The following GRIK4 variants were observed in gnomAD, a reference collection of about 807,000 sequenced individuals.
GRIK4 encodes glutamate receptor ionotropic, kainate 4.
In GRIK4, 40 loss-of-function variants were observed where a neutral mutation model predicts 104.9. The ratio of observed to expected loss-of-function variants is 0.38; its 90% CI spans 0.30 to 0.50. The LOEUF (loss-of-function observed/expected upper bound fraction) is 0.50, where lower values mean the gene tolerates loss of function less well. Ranked by LOEUF, GRIK4 falls within the 20% of genes least tolerant of loss-of-function variation. The probability of loss-of-function intolerance (pLI) is 0.93; values close to 1 mark genes in which losing one functional copy is unlikely to be tolerated. For synonymous variants in GRIK4, 485 were observed against 524.9 expected (o/e 0.92, Z 1.04); for missense variants, 1,047 against 1,308.1 (o/e 0.80, Z 3.08).
At chr11:120,892,574 A>C (rs1030416096) in intron 11 of GRIK4, among the ~76,000 whole-genome samples, 3 of 152,112 alleles carry the variant, frequency 2.0e-5, no homozygotes, top group African/African-American at 7.2e-5. Context: ...GGGTCTCCTG[A>C]TGCCAGGTGA....
intron 1 of GRIK4, among the ~76,000 whole-genome samples, chr11:120,537,596 C>T (rs1408649953): frequency 6.6e-6 from 1 of 152,090 alleles, no homozygotes; most frequent in Non-Finnish European, 1.5e-5. Flanking sequence ...CCCTGAAACC[C>T]TGAGGTGGAA....
At chr11:120,792,463 GT>G in intron 3 of GRIK4, among the ~76,000 whole-genome samples, 1 of 152,188 alleles carries the variant, frequency 6.6e-6, no homozygotes, top group East Asian at 1.9e-4. Flanking sequence ...AGAGGGTGTG[GT>G]TGAGGAGCGC....
chr11:120,909,072 A>T (rs1409219675), intron 13 of GRIK4, among the ~76,000 whole-genome samples: 2 of 152,242 alleles, frequency 1.3e-5, no homozygotes, highest in Admixed American at 6.5e-5. Context: ...TACAAAGGTC[A>T]GCCAGAGCAG....
intron 13 of GRIK4, among the ~76,000 whole-genome samples, chr11:120,933,521 GA>G (rs1943524384): frequency 6.6e-6 from 1 of 152,130 alleles, no homozygotes; most frequent in Admixed American, 6.5e-5. Context: ...AGAAAAAGTT[GA>G]ATAAATGACT....
intron 8 of GRIK4, among the ~76,000 whole-genome samples, chr11:120,847,310 A>G (rs1274880213): frequency 6.6e-6 from 1 of 152,184 alleles, no homozygotes; most frequent in Non-Finnish European, 1.5e-5. Context: ...CTGGGGATAC[A>G]ATGAAGAATA....
chr11:120,721,638 A>T (rs1950935174), intron 3 of GRIK4, among the ~76,000 whole-genome samples: 1 of 152,130 alleles, frequency 6.6e-6, no homozygotes. Flanking sequence ...TATAGGTGCC[A>T]TCCTAGTTGT....
chr11:120,770,382 T>C (rs1017902881), intron 3 of GRIK4, among the ~76,000 whole-genome samples: 4 of 152,370 alleles, frequency 2.6e-5, no homozygotes, highest in Middle Eastern at 3.4e-3. Flanking sequence ...CTTCTGGCTC[T>C]AGCCATCCTT....
intron 6 of GRIK4, among the ~76,000 whole-genome samples, chr11:120,829,418 A>T (rs1378970961): frequency 1.3e-5 from 2 of 152,048 alleles, no homozygotes; most frequent in East Asian, 3.9e-4. Flanking sequence ...CAAAACGGGG[A>T]TGTGATTTGA....
intron 14 of GRIK4, among the ~76,000 whole-genome samples, chr11:120,944,001 G>T (rs528749836): frequency 6.6e-6 from 1 of 152,246 alleles, no homozygotes; most frequent in East Asian, 1.9e-4. Flanking sequence ...TATAATCTCT[G>T]TTTCTGTTCA....
At chr11:120,700,447 T>C (rs34082772) in intron 3 of GRIK4, among the ~76,000 whole-genome samples, 1 of 151,722 alleles carries the variant, frequency 6.6e-6, no homozygotes, top group Non-Finnish European at 1.5e-5. Flanking sequence ...CTAATTTTTG[T>C]ATTTTTATTT....
chr11:120,561,795 T>A (rs1948242021), intron 1 of GRIK4, among the ~76,000 whole-genome samples: 1 of 152,198 alleles, frequency 6.6e-6, no homozygotes, highest in Non-Finnish European at 1.5e-5. Flanking sequence ...CCACCTTCAG[T>A]CTTAGCTGTT....
chr11:120,517,877 G>T (rs1947750270), intron 1 of GRIK4, among the ~76,000 whole-genome samples: 1 of 152,186 alleles, frequency 6.6e-6, no homozygotes, highest in Admixed American at 6.5e-5. Flanking sequence ...CAGAGTTAAA[G>T]AGGAGGATTT....
chr11:120,952,786 G>T lies in GRIK4; in HGVS notation c.1591-69G>T. 1 of 1,055,094 alleles carries T rather than the reference G, an allele frequency of 9.5e-7. No homozygotes were observed. 65.4% of individuals were successfully genotyped at this position (1,055,094 alleles called of 1,614,324 possible). ...CCACACTCACTACCTCCTCTACCCCGCCCTGCCTGCCCCAAGGTCATGTTG... is the reference window on the plus strand; with the variant it reads ...CCACACTCACTACCTCCTCTACCCCTCCCTGCCTGCCCCAAGGTCATGTTG... On this transcript the variant is annotated intron_variant, in intron 14 of 20. Coordinates refer to ENST00000527524, the MANE Select transcript of GRIK4 (RefSeq NM_014619.5). This position sits in a 1 kb window ranked among gnomAD's most constrained non-coding sequence, Gnocchi z 5.2.
intron 3 of GRIK4, among the ~76,000 whole-genome samples, chr11:120,792,817 C>A (rs1380771862): frequency 6.6e-6 from 1 of 152,090 alleles, no homozygotes; most frequent in Non-Finnish European, 1.5e-5. Flanking sequence ...GGAGATGTCA[C>A]CAGGCTGTTG....
intron 9 of GRIK4, chr11:120,869,856 C>T (rs891211648): frequency 6.6e-6 from 1 of 152,214 alleles, no homozygotes; most frequent in Non-Finnish European, 1.5e-5. Context: ...CAACAGAAAC[C>T]CTGTATCAAA....
intron 1 of GRIK4, among the ~76,000 whole-genome samples, chr11:120,525,570 A>G (rs1444216047): frequency 6.6e-6 from 1 of 152,230 alleles, no homozygotes; most frequent in Non-Finnish European, 1.5e-5. Flanking sequence ...GGGGTGTTAC[A>G]GAAACCATAG....
chr11:120,964,193 T>G (rs985486969), intron 18 of GRIK4, among the ~76,000 whole-genome samples: 3 of 152,192 alleles, frequency 2.0e-5, no homozygotes, highest in South Asian at 4.1e-4. Flanking sequence ...GGTTTCACCA[T>G]GTTGGCCAGG....
At chr11:120,878,815 A>T (rs1330240615) in intron 11 of GRIK4, among the ~76,000 whole-genome samples, 1 of 152,168 alleles carries the variant, frequency 6.6e-6, no homozygotes, top group Non-Finnish European at 1.5e-5. Context: ...TTATTACAAG[A>T]TGAAGAAATG....
chr11:120,877,619 TA>T (rs976450765), intron 11 of GRIK4, among the ~76,000 whole-genome samples: 4 of 152,212 alleles, frequency 2.6e-5, no homozygotes, highest in Admixed American at 2.6e-4. Context: ...ATAAGTTTTT[TA>T]AGATGGAGAA....
Sources: gnomAD v4.1 joint callset for allele counts (sites outside exome capture counted in the v4.1 genomes callset) on GRCh38, gnomAD v4.1.1 for gene constraint, Gnocchi (gnomAD v3.1) non-coding constraint, MANE v1.5 for transcripts, NCBI Gene and HGNC (gene_info 2026-07-23, HGNC 2026-07-21) for gene names.